The following NLGN1 variants were observed in gnomAD, a reference collection of about 807,000 sequenced individuals.
The protein encoded by NLGN1 is neuroligin-1.
A neutral mutation model predicts 65.5 loss-of-function variants in NLGN1; 12 were observed. The ratio of observed to expected loss-of-function variants is 0.18; its 90% confidence interval spans 0.12 to 0.30. The LOEUF is 0.30. Among genes scored for constraint, NLGN1 ranks in the 10% least tolerant of loss-of-function variants. The pLI is 1.00. For synonymous variants in NLGN1, 350 were observed against 359.5 expected (o/e 0.97, Z 0.30); for missense variants, 750 against 1,007.1 (o/e 0.74, Z 3.46).
At chr3:173,810,342 T>TAA (rs1158743971) in intron 4 of NLGN1, among the ~76,000 whole-genome samples, 1 of 152,130 alleles carries the variant, frequency 6.6e-6, no homozygotes, top group African/African-American at 2.4e-5. Flanking sequence ...AAGCCAAGGT[T>TAA]TCTTGGGTGT....
intron 3 of NLGN1, among the ~76,000 whole-genome samples, chr3:173,776,210 C>T (rs1303642895): frequency 6.6e-6 from 1 of 151,960 alleles, no homozygotes; most frequent in Non-Finnish European, 1.5e-5. Context: ...AACAAAAAAA[C>T]TTTATTAGAA....
At chr3:174,186,394 C>T (rs777719289) in intron 4 of NLGN1, among the ~76,000 whole-genome samples, 6 of 151,890 alleles carry the variant, frequency 4.0e-5, no homozygotes, top group Admixed American at 2.0e-4. Context: ...TTCACTTTCT[C>T]GTGGTAGAAA....
intron 4 of NLGN1, among the ~76,000 whole-genome samples, chr3:173,811,217 A>T (rs959924572): frequency 6.6e-6 from 1 of 152,154 alleles, no homozygotes; most frequent in Non-Finnish European, 1.5e-5. Flanking sequence ...AATTATTGTT[A>T]GTAGGGTATT....
At chr3:173,792,943 G>A (rs1032116441) in intron 3 of NLGN1, among the ~76,000 whole-genome samples, 6 of 152,032 alleles carry the variant, frequency 3.9e-5, no homozygotes, top group South Asian at 4.1e-4. Flanking sequence ...CATCTGTCTT[G>A]TTTTAGCTAT....
chr3:173,503,826 T>C (rs1400211477), intron 2 of NLGN1, among the ~76,000 whole-genome samples: 1 of 152,022 alleles, frequency 6.6e-6, no homozygotes, highest in Non-Finnish European at 1.5e-5. Context: ...TGATGGTAAT[T>C]TTTACATTAT....
chr3:174,145,856 A>T (rs1012440209), intron 4 of NLGN1, among the ~76,000 whole-genome samples: 3 of 152,212 alleles, frequency 2.0e-5, no homozygotes, highest in African/African-American at 7.2e-5. Context: ...AAACTTAATT[A>T]AATATTACAA....
chr3:174,098,883 C>G (rs1039403442), intron 4 of NLGN1, among the ~76,000 whole-genome samples: 1 of 152,068 alleles, frequency 6.6e-6, no homozygotes, highest in Non-Finnish European at 1.5e-5. Context: ...CTTAAAAATG[C>G]ATAAGCCATT....
intron 4 of NLGN1, among the ~76,000 whole-genome samples, chr3:174,132,817 A>G (rs976507480): frequency 5.8e-4 from 89 of 152,220 alleles, no homozygotes; most frequent in African/African-American, 2.0e-3. Flanking sequence ...AAGAGATTGC[A>G]TAAAGGGCAT....
rs527948465 is a variant in NLGN1 at position 173,986,126 on chromosome 3, G to A, written c.646+178294G>A. 1.5e-4 allele frequency among the ~76,000 whole-genome samples: 23 copies of A among 152,206 alleles called. No individual in the cohort carries two copies. In the South Asian group the frequency reaches 4.6e-3, roughly 30 times the overall value. On this transcript the variant is annotated intron_variant, in intron 4 of 6. Coordinates refer to ENST00000457714, the Ensembl canonical transcript of NLGN1. ...TAGTTAAGTCGACATGAAGTCATACGGGAGTAGAGTGGATCCATAATCCAA... is the reference window on the plus strand; with the variant it reads ...TAGTTAAGTCGACATGAAGTCATACAGGAGTAGAGTGGATCCATAATCCAA...
intron 4 of NLGN1, chr3:173,915,077 G>A (rs1489605364): frequency 6.6e-6 from 1 of 152,140 alleles, no homozygotes; most frequent in African/African-American, 2.4e-5. Flanking sequence ...AAGATTAGCT[G>A]GTTGGAGCAA....
chr3:173,985,131 G>A (rs182223862), intron 4 of NLGN1, among the ~76,000 whole-genome samples: 56 of 152,302 alleles, frequency 3.7e-4, no homozygotes, highest in Non-Finnish European at 4.7e-4. Context: ...TCCCAATGGG[G>A]CTGGCTTCAC....
chr3:173,777,110 G>A (rs984275847), intron 3 of NLGN1, among the ~76,000 whole-genome samples: 5 of 151,848 alleles, frequency 3.3e-5, no homozygotes, highest in East Asian at 3.9e-4. Flanking sequence ...TAGAAGTTTC[G>A]GTCACCTCAT....
intron 4 of NLGN1, among the ~76,000 whole-genome samples, chr3:174,014,661 C>G (rs551393950): frequency 6.6e-6 from 1 of 152,262 alleles, no homozygotes; most frequent in African/African-American, 2.4e-5. Context: ...AATGGCATGT[C>G]ATAAAATATA....
At chr3:173,800,326 G>T in intron 3 of NLGN1, 1 of 1,217,850 alleles carries the variant, frequency 8.2e-7, no homozygotes. Flanking sequence ...GATGATTTAG[G>T]TGATAATGAC....
chr3:174,164,719 T>C (rs796282886), intron 4 of NLGN1, among the ~76,000 whole-genome samples: 3 of 152,168 alleles, frequency 2.0e-5, no homozygotes, highest in Middle Eastern at 3.4e-3. Flanking sequence ...TTGGTCTAAG[T>C]GTCTTGTTTT....
At chr3:173,441,950 G>A (rs758072507) in intron 2 of NLGN1, among the ~76,000 whole-genome samples, 13 of 152,146 alleles carry the variant, frequency 8.5e-5, no homozygotes, top group Admixed American at 3.9e-4. Flanking sequence ...GTTGCCTTCT[G>A]TATTAATCTA....
intron 4 of NLGN1, among the ~76,000 whole-genome samples, chr3:174,068,209 T>C (rs999435058): frequency 3.9e-5 from 6 of 151,926 alleles, no homozygotes; most frequent in African/African-American, 1.4e-4. Context: ...CTAGGTACTC[T>C]GGGGCTCTAA....
intron 4 of NLGN1, among the ~76,000 whole-genome samples, chr3:174,056,891 A>G (rs1362104574): frequency 6.6e-6 from 1 of 151,950 alleles, no homozygotes; most frequent in Non-Finnish European, 1.5e-5. Context: ...ACAGTTTTAT[A>G]ATCTAACTTT....
intron 3 of NLGN1, among the ~76,000 whole-genome samples, chr3:173,758,700 T>C (rs1175756760): frequency 1.3e-5 from 2 of 152,012 alleles, no homozygotes; most frequent in African/African-American, 2.4e-5. Context: ...CCCCTCCATG[T>C]ATATTTGTAG....
Sources: gnomAD v4.1 joint callset for allele counts (sites outside exome capture counted in the v4.1 genomes callset) on GRCh38, gnomAD v4.1.1 for gene constraint, MANE v1.5 for transcripts, NCBI Gene and HGNC (gene_info 2026-07-23, HGNC 2026-07-21) for gene names.